Variants in NYAP2 observed in about 807,000 individuals in gnomAD.
NYAP2 encodes the protein neuronal tyrosine-phosphorylated phosphoinositide-3-kinase adapter 2.
A neutral mutation model predicts 50.4 loss-of-function variants in NYAP2; 23 were observed. The observed-to-expected ratio is 0.46, with a 90% CI of 0.33 to 0.65. The LOEUF (loss-of-function observed/expected upper bound fraction) is 0.65. Among genes scored for constraint, NYAP2 ranks in the 30% least tolerant of loss-of-function variants. The pLI, the probability that NYAP2 is intolerant of heterozygous loss-of-function variation, is 0.02. For missense variants in NYAP2, 885 were observed against 861.0 expected (o/e 1.03, Z -0.35); for synonymous variants, 394 against 365.2 (o/e 1.08, Z -0.90).
intron 5 of NYAP2, among the ~76,000 whole-genome samples, chr2:225,611,409 C>G (rs1445082937): frequency 6.6e-6 from 1 of 151,992 alleles, no homozygotes; most frequent in East Asian, 1.9e-4. Context: ...CCAGCTCTGT[C>G]TCTTCACCCT....
chr2:225,574,785 G>T (rs1162890354), intron 4 of NYAP2, among the ~76,000 whole-genome samples: 3 of 152,146 alleles, frequency 2.0e-5, no homozygotes, highest in African/African-American at 7.2e-5. Flanking sequence ...AGATGCTTTA[G>T]AGCCCCAGGT....
chr2:225,553,855 G>A (rs781638801), intron 4 of NYAP2, among the ~76,000 whole-genome samples: 2 of 152,026 alleles, frequency 1.3e-5, no homozygotes, highest in African/African-American at 2.4e-5. Flanking sequence ...TGGCCAACAT[G>A]GTGAAACCCT....
intron 5 of NYAP2, among the ~76,000 whole-genome samples, chr2:225,597,004 C>T (rs1032405088): frequency 1.1e-4 from 17 of 152,080 alleles, no homozygotes; most frequent in Non-Finnish European, 7.4e-5. Context: ...TCTGTTTAAC[C>T]AGCTTAAAAA....
the NYAP2 span, among the ~76,000 whole-genome samples, chr2:225,676,941 C>A: frequency 6.6e-6 from 1 of 152,104 alleles, no homozygotes; most frequent in Non-Finnish European, 1.5e-5. Context: ...AATTCTGTGA[C>A]AAATGATATT....
chr2:225,500,961 G>A (rs1690594634), intron 3 of NYAP2, among the ~76,000 whole-genome samples: 1 of 152,154 alleles, frequency 6.6e-6, no homozygotes, highest in Admixed American at 6.5e-5. Flanking sequence ...CAGAAAAAGA[G>A]GAAGCATTCA....
At chr2:225,589,401 G>C (rs974418285) in intron 5 of NYAP2, among the ~76,000 whole-genome samples, 3 of 150,762 alleles carry the variant, frequency 2.0e-5, no homozygotes, top group Non-Finnish European at 4.4e-5. Flanking sequence ...TGGATGTGGT[G>C]GCTCACTCCT....
intron 3 of NYAP2, among the ~76,000 whole-genome samples, chr2:225,476,358 A>C (rs1283804307): frequency 6.6e-6 from 1 of 151,264 alleles, no homozygotes; most frequent in African/African-American, 2.4e-5. Flanking sequence ...GCTTGCAGTG[A>C]GCCAAGATCA....
intron 4 of NYAP2, among the ~76,000 whole-genome samples, chr2:225,552,116 C>A (rs529158652): frequency 1.3e-5 from 2 of 152,082 alleles, no homozygotes; most frequent in African/African-American, 4.8e-5. Context: ...CCTGGCACTT[C>A]TTTCTTTTTG....
chr2:225,659,138 T>A, the NYAP2 span, among the ~76,000 whole-genome samples: 1 of 152,146 alleles, frequency 6.6e-6, no homozygotes, highest in Non-Finnish European at 1.5e-5. Context: ...AGGGTGGGGA[T>A]TGGGCCCAGT....
intron 3 of NYAP2, among the ~76,000 whole-genome samples, chr2:225,410,523 C>G (rs1009124186): frequency 9.9e-5 from 15 of 151,870 alleles, no homozygotes; most frequent in African/African-American, 3.6e-4. Context: ...ATTCAAAATA[C>G]AACGGATGGC....
the NYAP2 span, among the ~76,000 whole-genome samples, chr2:225,663,848 G>A: frequency 8.6e-5 from 13 of 151,860 alleles, no homozygotes; most frequent in South Asian, 2.1e-4. Context: ...GAACCACTGC[G>A]CCCGGCCCTG....
At chr2:225,447,084 T>C (rs1689575846) in intron 3 of NYAP2, among the ~76,000 whole-genome samples, 1 of 152,136 alleles carries the variant, frequency 6.6e-6, no homozygotes, top group African/African-American at 2.4e-5. Flanking sequence ...TGCCTCATGA[T>C]GGTTCCTCAC....
intron 3 of NYAP2, among the ~76,000 whole-genome samples, chr2:225,466,373 G>A (rs1476596658): frequency 6.6e-6 from 1 of 152,130 alleles, no homozygotes; most frequent in East Asian, 1.9e-4. Context: ...TAGAAAGTGA[G>A]CATTTGGGCT....
intron 6 of NYAP2, among the ~76,000 whole-genome samples, chr2:225,643,180 TC>T (rs1385534745): frequency 6.6e-6 from 1 of 151,984 alleles, no homozygotes; most frequent in East Asian, 1.9e-4. Flanking sequence ...TGATAAAAAA[TC>T]CCCCGAGAGT....
chr2:225,683,097 G>A, the NYAP2 span, among the ~76,000 whole-genome samples: 2 of 152,114 alleles, frequency 1.3e-5, no homozygotes, highest in African/African-American at 4.8e-5. Flanking sequence ...ACAACTGAAA[G>A]ATATCATGGT....
intron 6 of NYAP2, among the ~76,000 whole-genome samples, chr2:225,646,972 G>A (rs1483510950): frequency 2.6e-5 from 4 of 152,156 alleles, no homozygotes; most frequent in African/African-American, 9.7e-5. Context: ...TGCCTACAGT[G>A]AAAACAGGTT....
exon 7 of NYAP2, chr2:225,653,973 C>G (rs866789857): frequency 6.7e-6 from 1 of 149,314 alleles, no homozygotes; most frequent in African/African-American, 2.5e-5. Context: ...GAGCTGAGAT[C>G]GCACCACTGC....
chr2:225,500,941 C>T (rs913090329), intron 3 of NYAP2, among the ~76,000 whole-genome samples: 1 of 152,122 alleles, frequency 6.6e-6, no homozygotes, highest in Non-Finnish European at 1.5e-5. Context: ...GGTAGTTTTG[C>T]ACCCTAAAAC....
chr2:225,498,547 T>C (rs186855040), intron 3 of NYAP2, among the ~76,000 whole-genome samples: 495 of 150,404 alleles, frequency 3.3e-3, no homozygotes, highest in African/African-American at 0.011. Flanking sequence ...GGAGGATTGA[T>C]GTGATCCCAT....
Sources: gnomAD v4.1 joint callset for allele counts (sites outside exome capture counted in the v4.1 genomes callset) on GRCh38, gnomAD v4.1.1 for gene constraint, MANE v1.5 for transcripts, NCBI Gene and HGNC (gene_info 2026-07-23, HGNC 2026-07-21) for gene names.